The following LRRC1 variants were observed in gnomAD, a reference collection of about 807,000 sequenced individuals.
The protein encoded by LRRC1 is leucine rich repeat containing 1, also known as leucine-rich repeat-containing protein 1.
In LRRC1, 28 loss-of-function variants were observed where a neutral mutation model predicts 69.9. The ratio of observed to expected loss-of-function variants is 0.40; its 90% CI spans 0.30 to 0.55. The LOEUF is 0.55. Ranked by LOEUF, LRRC1 falls within the 20% of genes least tolerant of loss-of-function variation. The probability of loss-of-function intolerance (pLI) is 0.47; values close to 1 mark genes in which losing one functional copy is unlikely to be tolerated. For missense variants in LRRC1, 498 were observed against 609.0 expected (o/e 0.82, Z 1.92); for synonymous variants, 236 against 240.2 (o/e 0.98, Z 0.16).
intron 9 of LRRC1, among the ~76,000 whole-genome samples, chr6:53,903,924 C>T (rs1032699955): frequency 3.3e-5 from 5 of 152,240 alleles, no homozygotes; most frequent in Non-Finnish European, 7.3e-5. Flanking sequence ...TCACCTTTCT[C>T]CCATCCCCAT....
intron 2 of LRRC1, among the ~76,000 whole-genome samples, chr6:53,867,356 A>G (rs1014412254): frequency 2.6e-5 from 4 of 152,046 alleles, no homozygotes; most frequent in African/African-American, 9.7e-5. Flanking sequence ...AAATTGGTCT[A>G]TGCCTGGGCC....
intron 1 of LRRC1, among the ~76,000 whole-genome samples, chr6:53,813,317 G>C (rs1286456662): frequency 6.6e-6 from 1 of 152,124 alleles, no homozygotes; most frequent in Non-Finnish European, 1.5e-5. Context: ...GGAAGCCCAG[G>C]AGTTGCTATG....
intron 2 of LRRC1, among the ~76,000 whole-genome samples, chr6:53,850,775 A>C (rs921032667): frequency 2.0e-5 from 3 of 152,190 alleles, no homozygotes; most frequent in Non-Finnish European, 4.4e-5. Context: ...ACCTTGGGGA[A>C]GTAGGTGGTA....
chr6:53,907,550 T>G (rs1430189295), intron 10 of LRRC1, among the ~76,000 whole-genome samples: 1 of 152,176 alleles, frequency 6.6e-6, no homozygotes, highest in Non-Finnish European at 1.5e-5. Context: ...TGTCTTTTGT[T>G]TTCTTAATTG....
intron 1 of LRRC1, among the ~76,000 whole-genome samples, chr6:53,840,878 ATGTGTTTGTGTG>A (rs1765758758): frequency 5.9e-5 from 5 of 84,182 alleles, no homozygotes; most frequent in Admixed American, 3.5e-4. Context: ...GTGGGGGGGT[ATGTGTTTGTGTG>A]TGTGTGTGTG....
At chr6:53,836,709 C>G (rs893162368) in intron 1 of LRRC1, among the ~76,000 whole-genome samples, 2 of 152,086 alleles carry the variant, frequency 1.3e-5, no homozygotes, top group African/African-American at 2.4e-5. Context: ...CAGCTTACAG[C>G]AAATTATAAA....
chr6:53,884,062 T>C, intron 4 of LRRC1: 2 of 714,016 alleles, frequency 2.8e-6, no homozygotes, highest in South Asian at 3.0e-5. Flanking sequence ...AATTCTGCCC[T>C]TAAACTCTCA....
intron 12 of LRRC1, 70 bp from the exon 13 acceptor site, chr6:53,920,555 C>G: frequency 1.3e-6 from 2 of 1,582,778 alleles, no homozygotes; most frequent in Non-Finnish European, 1.7e-6. Flanking sequence ...CCTTGTCAGC[C>G]GCAAAGTTCA....
intron 1 of LRRC1, among the ~76,000 whole-genome samples, chr6:53,809,248 T>A (rs925583289): frequency 1.3e-5 from 2 of 152,248 alleles, no homozygotes; most frequent in Non-Finnish European, 2.9e-5. Context: ...GGCTCTAATG[T>A]GCTTTCTGGA....
At chr6:53,867,644 A>ATTTATTTTTATTTTT (rs2127425585) in intron 2 of LRRC1, among the ~76,000 whole-genome samples, 1 of 152,164 alleles carries the variant, frequency 6.6e-6, no homozygotes, top group South Asian at 2.1e-4. Context: ...AGTATGATTA[A>ATTTATTTTTATTTTT]TTTATTTTTA....
chr6:53,910,828 T>A (rs1045494416), intron 10 of LRRC1, among the ~76,000 whole-genome samples: 3 of 152,236 alleles, frequency 2.0e-5, no homozygotes, highest in African/African-American at 7.2e-5. Flanking sequence ...ATACCGCATC[T>A]CCCTCTGACG....
chr6:53,917,836 A>G (rs191338862), intron 11 of LRRC1, among the ~76,000 whole-genome samples: 15 of 152,390 alleles, frequency 9.8e-5, no homozygotes, highest in Admixed American at 6.5e-4. Context: ...TTGAAGCTTT[A>G]ACAGTGTATA....
At chr6:53,911,324 AT>A (rs1006738033) in intron 10 of LRRC1, among the ~76,000 whole-genome samples, 4 of 152,142 alleles carry the variant, frequency 2.6e-5, no homozygotes, top group African/African-American at 9.7e-5. Context: ...TAATTAATTA[AT>A]TTTTTTGACT....
At chr6:53,815,536 C>A (rs1425746518) in intron 1 of LRRC1, among the ~76,000 whole-genome samples, 2 of 152,186 alleles carry the variant, frequency 1.3e-5, no homozygotes, top group Admixed American at 1.3e-4. Context: ...GGAACTAGTA[C>A]CCAAAGCCTG....
rs1414844841 is a variant in LRRC1, at chr6:53,923,772, C to T, written c.*979C>T. 1 of 152,534 alleles carries T rather than the reference C, an allele frequency of 6.6e-6. No homozygotes were observed. Among genetic ancestry groups the T allele is most frequent in the Non-Finnish European group, 1.5e-5 (1 of 68,038 alleles). 9.4% of individuals were successfully genotyped at this position (152,534 alleles called of 1,614,324 possible). A position where few individuals can be genotyped will look rare whatever the true frequency, so the allele number is the denominator to read the frequency against. On this transcript the variant is annotated 3_prime_UTR_variant, in exon 14 of 14. Transcript: ENST00000370888. ...ATTCAGTGGGCAAGTAAATTATGGA[C>T]TGCAAAATAATGATTTTTATTCAAG... is the stretch of plus-strand genomic sequence containing the variant.
At chr6:53,813,022 T>G (rs1764841373) in intron 1 of LRRC1, among the ~76,000 whole-genome samples, 1 of 151,236 alleles carries the variant, frequency 6.6e-6, no homozygotes, top group African/African-American at 2.4e-5. Flanking sequence ...GAATAGGGAG[T>G]GGCTGGATGA....
At chr6:53,820,969 A>G (rs1223593160) in intron 1 of LRRC1, among the ~76,000 whole-genome samples, 1 of 152,226 alleles carries the variant, frequency 6.6e-6, no homozygotes, top group Non-Finnish European at 1.5e-5. Flanking sequence ...GAGGATCTCA[A>G]GAACTTGTTG....
chr6:53,880,187 A>C (rs1038748757), intron 3 of LRRC1, among the ~76,000 whole-genome samples: 12 of 152,212 alleles, frequency 7.9e-5, no homozygotes, highest in African/African-American at 2.9e-4. Context: ...TATTGCCAAT[A>C]AATAAATGTT....
chr6:53,840,998 C>T (rs940651796), intron 1 of LRRC1, among the ~76,000 whole-genome samples: 4 of 150,638 alleles, frequency 2.7e-5, no homozygotes, highest in African/African-American at 9.8e-5. Context: ...TTGGAAGCTC[C>T]GTGTGTTGGT....
Sources: gnomAD v4.1 joint callset for allele counts (sites outside exome capture counted in the v4.1 genomes callset) on GRCh38, gnomAD v4.1.1 for gene constraint, MANE v1.5 for transcripts, NCBI Gene and HGNC (gene_info 2026-07-23, HGNC 2026-07-21) for gene names.